The following TNIK variants were observed in gnomAD, a reference collection of about 807,000 sequenced individuals.
The protein encoded by TNIK is TRAF2 and NCK-interacting protein kinase.
In TNIK, 49 loss-of-function variants were observed where a neutral mutation model predicts 191.3. The ratio of observed to expected loss-of-function variants is 0.26; its 90% confidence interval spans 0.20 to 0.32. The LOEUF (loss-of-function observed/expected upper bound fraction) is 0.32. TNIK is among the 10% of genes least tolerant of loss of function. The probability of loss-of-function intolerance (pLI) is 1.00; values close to 1 mark genes in which losing one functional copy is unlikely to be tolerated. For missense variants in TNIK, 1,155 were observed against 1,702.3 expected, an observed-to-expected ratio of 0.68 and a Z score of 5.66; for synonymous variants, 594 against 600.9, an observed-to-expected ratio of 0.99 and a Z score of 0.17.
chr3:171,318,899 T>C (rs1477124525), intron 2 of TNIK, among the ~76,000 whole-genome samples: 2 of 152,142 alleles, frequency 1.3e-5, no homozygotes, highest in Non-Finnish European at 2.9e-5. Context: ...GCATGGTGGC[T>C]CATACCTGTA....
intron 2 of TNIK, among the ~76,000 whole-genome samples, chr3:171,358,140 T>C (rs1301302594): frequency 6.6e-6 from 1 of 152,212 alleles, no homozygotes; most frequent in African/African-American, 2.4e-5. Context: ...TAAAAAATAG[T>C]TGATACATTT....
intron 2 of TNIK, among the ~76,000 whole-genome samples, chr3:171,303,068 C>T (rs1335991161): frequency 6.6e-6 from 1 of 152,184 alleles, no homozygotes; most frequent in Non-Finnish European, 1.5e-5. Context: ...GTGAAGCTAA[C>T]ACCAACTTAC....
intron 2 of TNIK, among the ~76,000 whole-genome samples, chr3:171,318,525 G>A (rs1238275819): frequency 6.6e-6 from 1 of 152,038 alleles, no homozygotes; most frequent in Non-Finnish European, 1.5e-5. Flanking sequence ...AGGAAATATT[G>A]TAAACCTGTT....
intron 1 of TNIK, among the ~76,000 whole-genome samples, chr3:171,424,390 A>G (rs139668467): frequency 0.04 from 6,113 of 152,262 alleles, 422 homozygotes; most frequent in African/African-American, 0.14. Flanking sequence ...TGGTGGGACT[A>G]TAAACTAGTT....
intron 1 of TNIK, among the ~76,000 whole-genome samples, chr3:171,421,306 A>G (rs1723762182): frequency 6.6e-6 from 1 of 152,172 alleles, no homozygotes; most frequent in African/African-American, 2.4e-5. Context: ...AGAAAATACA[A>G]AGTGAGGTCC....
At chr3:171,266,046 T>A (rs1748356936) in intron 2 of TNIK, among the ~76,000 whole-genome samples, 1 of 151,740 alleles carries the variant, frequency 6.6e-6, no homozygotes, top group Admixed American at 6.6e-5. Context: ...GTGGCAGATG[T>A]AAATGCGGCA....
chr3:171,186,812 G>T (rs988110569), intron 7 of TNIK, among the ~76,000 whole-genome samples: 2 of 152,282 alleles, frequency 1.3e-5, no homozygotes, highest in Admixed American at 1.3e-4. Flanking sequence ...CATACAACAG[G>T]ATTTGCCCAT....
intron 1 of TNIK, among the ~76,000 whole-genome samples, chr3:171,387,993 C>CG (rs1352206329): frequency 4.0e-4 from 49 of 121,492 alleles, no homozygotes; most frequent in Non-Finnish European, 7.4e-4. Flanking sequence ...GGGGAGGGGA[C>CG]GGGGGGGAGC....
intron 1 of TNIK, among the ~76,000 whole-genome samples, chr3:171,427,922 C>T (rs9875030): frequency 0.67 from 102,401 of 152,076 alleles, 36,189 homozygotes; most frequent in African/African-American, 0.86. Flanking sequence ...GAGAAGAGCA[C>T]TCCTACGTGA....
At chr3:171,260,286 C>T (rs1747436868) in intron 2 of TNIK, among the ~76,000 whole-genome samples, 1 of 152,122 alleles carries the variant, frequency 6.6e-6, no homozygotes, top group African/African-American at 2.4e-5. Flanking sequence ...AAAATTGAGG[C>T]CATTATTTCT....
intron 26 of TNIK, 109 bp from the exon 27 acceptor site, chr3:171,082,503 G>A (rs1720822514): frequency 8.1e-7 from 1 of 1,230,606 alleles, no homozygotes; most frequent in East Asian, 2.4e-5. Flanking sequence ...ATACACTAAT[G>A]GGCAAGTAGG....
At chr3:171,314,399 C>G (rs555693849) in intron 2 of TNIK, among the ~76,000 whole-genome samples, 2 of 152,118 alleles carry the variant, frequency 1.3e-5, no homozygotes, top group Non-Finnish European at 2.9e-5. Flanking sequence ...TCCATGACAG[C>G]GAGACCAGAA....
chr3:171,303,157 A>T (rs898232476), intron 2 of TNIK, among the ~76,000 whole-genome samples: 1 of 152,214 alleles, frequency 6.6e-6, no homozygotes, highest in Non-Finnish European at 1.5e-5. Flanking sequence ...CTTAAACAGA[A>T]TCAAAACAAC....
intron 1 of TNIK, among the ~76,000 whole-genome samples, chr3:171,405,816 A>AT (rs991620895): frequency 4.7e-4 from 71 of 152,364 alleles, no homozygotes; most frequent in African/African-American, 1.7e-3. Context: ...TAGTCATGAA[A>AT]TAATTTAGTA....
intron 2 of TNIK, among the ~76,000 whole-genome samples, chr3:171,300,591 G>A (rs1228636735): frequency 6.6e-6 from 1 of 152,120 alleles, no homozygotes; most frequent in Non-Finnish European, 1.5e-5. Context: ...AAGAAATGCT[G>A]CATGCTGATA....
intron 7 of TNIK, 99 bp downstream of exon 7, chr3:171,188,603 T>C: frequency 2.1e-6 from 3 of 1,437,088 alleles, no homozygotes; most frequent in Non-Finnish European, 1.9e-6. Context: ...AGTTCTCCCT[T>C]TGGGTGACAT....
intron 1 of TNIK, among the ~76,000 whole-genome samples, chr3:171,389,305 T>C (rs1156492890): frequency 1.3e-5 from 2 of 152,184 alleles, no homozygotes; most frequent in Non-Finnish European, 2.9e-5. Flanking sequence ...ACACTATTAC[T>C]TAGAAAATTT....
At chr3:171,196,953 C>T (rs1377481727) in intron 4 of TNIK, among the ~76,000 whole-genome samples, 2 of 152,160 alleles carry the variant, frequency 1.3e-5, no homozygotes, top group African/African-American at 2.4e-5. Context: ...CACGGGGTTT[C>T]ACCATGTTAG....
intron 14 of TNIK, 88 bp downstream of exon 14, chr3:171,139,370 GCACGCGCGCACA>G: frequency 1.1e-6 from 1 of 903,040 alleles, no homozygotes; most frequent in Non-Finnish European, 1.7e-6. Flanking sequence ...AAGGACACAC[GCACGCGCGCACA>G]CACACACACA....
Sources: gnomAD v4.1 joint callset for allele counts (sites outside exome capture counted in the v4.1 genomes callset) on GRCh38, gnomAD v4.1.1 for gene constraint, MANE v1.5 for transcripts, NCBI Gene and HGNC (gene_info 2026-07-23, HGNC 2026-07-21) for gene names.